The following ZFAT variants were observed in gnomAD, a reference collection of about 807,000 sequenced individuals.
ZFAT encodes zinc finger and AT-hook domain containing.
ZFAT carries 64 observed loss-of-function variants against 117.7 expected under a neutral mutation model. The observed-to-expected ratio is 0.54, with a 90% CI of 0.44 to 0.67. The LOEUF is 0.67. ZFAT is among the 30% of genes least tolerant of loss of function. The pLI is 0.00. For missense variants in ZFAT, 1,433 were observed against 1,584.5 expected (o/e 0.90, Z 1.62); for synonymous variants, 679 against 615.0 (o/e 1.10, Z -1.54).
At chr8:134,551,199 T>C (rs1180089497) in intron 11 of ZFAT, among the ~76,000 whole-genome samples, 1 of 152,054 alleles carries the variant, frequency 6.6e-6, no homozygotes, top group Non-Finnish European at 1.5e-5. Flanking sequence ...GCGCAGAGAG[T>C]AGTTTTCACT....
At chr8:134,718,761 C>T in the ZFAT span, among the ~76,000 whole-genome samples, 2 of 152,196 alleles carry the variant, frequency 1.3e-5, no homozygotes, top group East Asian at 1.9e-4. Context: ...AGGAATAATA[C>T]GTAATTAAGC....
chr8:134,555,982 AG>A (rs1299417904), intron 11 of ZFAT, among the ~76,000 whole-genome samples: 1 of 111,266 alleles, frequency 9.0e-6, no homozygotes, highest in Non-Finnish European at 1.8e-5. Flanking sequence ...GAGGGAGGGA[AG>A]GAGGGAAGGC....
At chr8:134,672,382 G>GAACAA (rs1832603228) in intron 1 of ZFAT, among the ~76,000 whole-genome samples, 1 of 152,150 alleles carries the variant, frequency 6.6e-6, no homozygotes, top group African/African-American at 2.4e-5. Flanking sequence ...ACAGGAAAGG[G>GAACAA]AACATCACAC....
intron 1 of ZFAT, among the ~76,000 whole-genome samples, chr8:134,660,527 A>C (rs945245305): frequency 6.6e-6 from 1 of 152,238 alleles, no homozygotes; most frequent in Non-Finnish European, 1.5e-5. Context: ...CCACAAGAGG[A>C]GGCCACCACA....
chr8:134,577,101 CA>C (rs1825368973), intron 10 of ZFAT, among the ~76,000 whole-genome samples: 1 of 152,138 alleles, frequency 6.6e-6, no homozygotes, highest in African/African-American at 2.4e-5. Flanking sequence ...TTTTTAAAGT[CA>C]AAAGTGGGAA....
At chr8:134,727,528 T>C in the ZFAT span, among the ~76,000 whole-genome samples, 3 of 152,224 alleles carry the variant, frequency 2.0e-5, no homozygotes, top group African/African-American at 7.2e-5. Context: ...AACTCTGAAG[T>C]ATAAAACCAA....
At chr8:134,807,689 G>C in the ZFAT span, among the ~76,000 whole-genome samples, 1 of 150,168 alleles carries the variant, frequency 6.7e-6, no homozygotes. Context: ...ACCGACCATG[G>C]AGCAGAAAAT....
intron 11 of ZFAT, among the ~76,000 whole-genome samples, chr8:134,545,471 A>G (rs191787474): frequency 6.6e-6 from 1 of 152,360 alleles, no homozygotes; most frequent in East Asian, 1.9e-4. Flanking sequence ...CCTGGGCAAC[A>G]TAGCACGACT....
intron 11 of ZFAT, among the ~76,000 whole-genome samples, chr8:134,558,299 G>A (rs1302522631): frequency 6.6e-6 from 1 of 152,158 alleles, no homozygotes; most frequent in East Asian, 1.9e-4. Context: ...AGGGCTGATG[G>A]GCCAAGCCTT....
At chr8:134,805,683 T>C in the ZFAT span, among the ~76,000 whole-genome samples, 1 of 152,200 alleles carries the variant, frequency 6.6e-6, no homozygotes, top group African/African-American at 2.4e-5. Flanking sequence ...ATTTAAAATA[T>C]GTAAAATTGC....
chr8:134,794,372 G>A, the ZFAT span: 2 of 152,172 alleles, frequency 1.3e-5, no homozygotes, highest in Non-Finnish European at 2.9e-5. Flanking sequence ...TACATACACG[G>A]TATAAGTTCA....
At chr8:134,681,238 C>A (rs1418915990) in intron 1 of ZFAT, among the ~76,000 whole-genome samples, 2 of 152,098 alleles carry the variant, frequency 1.3e-5, no homozygotes, top group African/African-American at 2.4e-5. Context: ...ACCTTCTATA[C>A]CAGCTGGTGG....
chr8:134,684,429 C>A (rs16905220), intron 1 of ZFAT, among the ~76,000 whole-genome samples: 11,778 of 152,182 alleles, frequency 0.077, 621 homozygotes, highest in African/African-American at 0.15. Context: ...ACTTACTGAT[C>A]CCCAGACAGC....
At chr8:134,755,447 T>C in the ZFAT span, among the ~76,000 whole-genome samples, 1 of 145,008 alleles carries the variant, frequency 6.9e-6, no homozygotes, top group Non-Finnish European at 1.5e-5. Flanking sequence ...GTGTAAGTGG[T>C]TTTTGGTTAC....
At chr8:134,609,435 T>C (rs1407293108) in intron 4 of ZFAT, among the ~76,000 whole-genome samples, 2 of 152,210 alleles carry the variant, frequency 1.3e-5, no homozygotes, top group East Asian at 1.9e-4. Flanking sequence ...AGAATAATAC[T>C]ATTCTGAAGT....
At chr8:134,750,056 C>A in the ZFAT span, among the ~76,000 whole-genome samples, 1 of 152,182 alleles carries the variant, frequency 6.6e-6, no homozygotes, top group African/African-American at 2.4e-5. Flanking sequence ...TGTGTCAAAT[C>A]TACAGATCAG....
At chr8:134,756,477 C>T in the ZFAT span, among the ~76,000 whole-genome samples, 2 of 152,246 alleles carry the variant, frequency 1.3e-5, no homozygotes, top group Non-Finnish European at 2.9e-5. Flanking sequence ...TCACTGCCCT[C>T]CCCGTTCTCC....
At chr8:134,572,308 G>A (rs1385060630) in intron 10 of ZFAT, among the ~76,000 whole-genome samples, 2 of 152,212 alleles carry the variant, frequency 1.3e-5, no homozygotes, top group East Asian at 3.8e-4. Flanking sequence ...CTTGTAGGAA[G>A]CAGTTGGATT....
chr8:134,617,548 C>T (rs919165281), intron 3 of ZFAT, among the ~76,000 whole-genome samples: 18 of 152,110 alleles, frequency 1.2e-4, no homozygotes, highest in African/African-American at 4.3e-4. Flanking sequence ...ACTCAGGGAC[C>T]CCAAGCCTTT....
Sources: allele counts gnomAD v4.1 joint callset (sites outside exome capture counted in the v4.1 genomes callset), GRCh38; gene constraint gnomAD v4.1.1; transcripts MANE v1.5; gene names NCBI Gene and HGNC (gene_info 2026-07-23, HGNC 2026-07-21).